AGPAT3: variants seen among roughly 807,000 people sequenced by gnomAD.
AGPAT3 encodes the protein 1-acylglycerol-3-phosphate O-acyltransferase 3, also known as 1-acyl-sn-glycerol-3-phosphate acyltransferase gamma.
AGPAT3 carries 5 observed loss-of-function variants against 47.3 expected under a neutral mutation model. The ratio of observed to expected loss-of-function variants is 0.11; its 90% CI spans 0.06 to 0.22. AGPAT3 has a LOEUF of 0.22. Among genes scored for constraint, AGPAT3 ranks in the 10% least tolerant of loss-of-function variants. The probability of loss-of-function intolerance (pLI) is 1.00; values close to 1 mark genes in which losing one functional copy is unlikely to be tolerated. For synonymous variants in AGPAT3, 212 were observed against 208.3 expected (o/e 1.02, Z -0.15); for missense variants, 315 against 493.0 (o/e 0.64, Z 3.42).
At chr21:43,941,155 G>A (rs2087640509) in intron 2 of AGPAT3, among the ~76,000 whole-genome samples, 2 of 152,316 alleles carry the variant, frequency 1.3e-5, no homozygotes, top group African/African-American at 2.4e-5. Context: ...TTCTAGAGCC[G>A]GAGAACGAGG....
rs773204898 is a variant in AGPAT3 at position 43,967,935 on chromosome 21, C to G, written c.179-11C>G. 1 of 1,612,424 alleles carries G rather than the reference C, an allele frequency of 6.2e-7. No individual in the cohort carries two copies. The highest frequency in any genetic ancestry group is 8.5e-7 in the Non-Finnish European group (1 of 1,178,832). On this transcript the variant is annotated splice_polypyrimidine_tract_variant and intron_variant, in intron 3 of 9. Coordinates refer to ENST00000291572, the MANE Select transcript of AGPAT3 (RefSeq NM_020132.5). The stretch of plus-strand genomic sequence containing the variant: ...GTCCTACCAGTGCCAACGCCCTCCC[C>G]CTGTCCGCAGAACTGGTCATGCTGC...
intron 2 of AGPAT3, among the ~76,000 whole-genome samples, chr21:43,937,881 A>G (rs183317964): frequency 1.7e-3 from 254 of 152,292 alleles, no homozygotes; most frequent in Middle Eastern, 3.4e-3. Flanking sequence ...ATTGCCTTCT[A>G]TACCTCAGGC....
chr21:43,986,847 C>CA lies in AGPAT3; in HGVS notation c.*4455_*4456insA, dbSNP rs1162055137. On this transcript the variant is annotated 3_prime_UTR_variant, in exon 10 of 10. Coordinates refer to ENST00000291572, the MANE Select transcript of AGPAT3 (RefSeq NM_020132.5). Reference sequence around the variant, plus strand: ...TTATACGGATGTTTCCTTTTGTACACTTCATTTTTACAAGTTTTGCTACTC... The same window carrying CA: ...TTATACGGATGTTTCCTTTTGTACACATTCATTTTTACAAGTTTTGCTACTC... Among the ~76,000 whole-genome samples the CA allele has an allele frequency of 6.6e-6, 1 of 152,202 alleles. No homozygotes were observed. Among genetic ancestry groups the CA allele is most frequent in the African/African-American group, 2.4e-5 (1 of 41,444 alleles).
At position 43,986,174 on chromosome 21, in the gene AGPAT3, G is replaced by A. The variant is rs550379770; in HGVS notation, c.*3782G>A. The A allele has an allele frequency of 1.3e-5, 2 of 152,384 alleles. No homozygotes were observed. The highest frequency in any genetic ancestry group is 4.1e-4 in the South Asian group (2 of 4,832). The allele number at this position is 152,384 out of a possible 1,614,324, so 9.4% of individuals were successfully genotyped here. A position where few individuals can be genotyped will look rare whatever the true frequency, so the allele number is the denominator to read the frequency against. On this transcript the variant is annotated 3_prime_UTR_variant, in exon 10 of 10. Coordinates refer to ENST00000291572, the MANE Select transcript of AGPAT3 (RefSeq NM_020132.5). ...AGATGTCACACTGATCTGCTGGAGTGGGGTGGACACATGAATTCAGTTTTA... is the reference window on the plus strand; with the variant it reads ...AGATGTCACACTGATCTGCTGGAGTAGGGTGGACACATGAATTCAGTTTTA...
chr21:43,877,562 C>T (rs1339463318), intron 1 of AGPAT3, among the ~76,000 whole-genome samples: 2 of 152,172 alleles, frequency 1.3e-5, no homozygotes, highest in Admixed American at 1.3e-4. Context: ...CCTGCCTCAG[C>T]TTCCTGAGTA....
chr21:43,872,658 C>T (rs2085646803), intron 1 of AGPAT3, among the ~76,000 whole-genome samples: 1 of 152,218 alleles, frequency 6.6e-6, no homozygotes, highest in Non-Finnish European at 1.5e-5. Flanking sequence ...GGTGAAGACT[C>T]TGTTTCTTCC....
chr21:43,895,969 T>C (rs1046319602), intron 1 of AGPAT3, among the ~76,000 whole-genome samples: 2 of 152,256 alleles, frequency 1.3e-5, no homozygotes, highest in African/African-American at 4.8e-5. Flanking sequence ...GGTTTCACCA[T>C]ATTGGCCAGG....
intron 2 of AGPAT3, among the ~76,000 whole-genome samples, chr21:43,906,883 G>A (rs1028121402): frequency 4.6e-5 from 7 of 152,228 alleles, no homozygotes; most frequent in Admixed American, 3.9e-4. Context: ...GAAGCGCAGT[G>A]GGTCAGCACA....
chr21:43,890,935 G>T (rs907792269), intron 1 of AGPAT3, among the ~76,000 whole-genome samples: 1 of 151,960 alleles, frequency 6.6e-6, no homozygotes, highest in African/African-American at 2.4e-5. Context: ...ACGGGGTTTT[G>T]CCATGTTGGA....
intron 1 of AGPAT3, among the ~76,000 whole-genome samples, chr21:43,894,654 G>A (rs1403634567): frequency 6.6e-6 from 1 of 152,026 alleles, no homozygotes; most frequent in Non-Finnish European, 1.5e-5. Flanking sequence ...TATAAACACC[G>A]GGTCTTATTT....
chr21:43,868,396 T>G (rs1299009334), intron 1 of AGPAT3, among the ~76,000 whole-genome samples: 1 of 152,138 alleles, frequency 6.6e-6, no homozygotes, highest in Admixed American at 6.5e-5. Flanking sequence ...TAGCGTGCCC[T>G]GTGTCACTTA....
chr21:43,924,097 A>G (rs900761401), intron 2 of AGPAT3, among the ~76,000 whole-genome samples: 2 of 151,978 alleles, frequency 1.3e-5, no homozygotes, highest in African/African-American at 4.8e-5. Context: ...GCTCACTGCA[A>G]GCTCCACCTC....
At chr21:43,949,960 C>T (rs922408015) in intron 2 of AGPAT3, among the ~76,000 whole-genome samples, 12 of 152,152 alleles carry the variant, frequency 7.9e-5, no homozygotes, top group Admixed American at 2.6e-4. Flanking sequence ...TCCTACTTGC[C>T]GTAGAGGACA....
At chr21:43,887,833 T>C (rs1170269655) in intron 1 of AGPAT3, among the ~76,000 whole-genome samples, 1 of 152,170 alleles carries the variant, frequency 6.6e-6, no homozygotes, top group Admixed American at 6.5e-5. Context: ...TTTGTATTTT[T>C]AGTAGAGACT....
intron 1 of AGPAT3, among the ~76,000 whole-genome samples, chr21:43,892,868 T>C (rs1172481606): frequency 6.6e-6 from 1 of 152,144 alleles, no homozygotes; most frequent in Non-Finnish European, 1.5e-5. Context: ...GGTGAGTGTA[T>C]TCCTTGAGTT....
intron 1 of AGPAT3, among the ~76,000 whole-genome samples, chr21:43,882,347 TCAG>T (rs2085872267): frequency 6.6e-6 from 1 of 152,270 alleles, no homozygotes; most frequent in South Asian, 2.1e-4. Flanking sequence ...ACTCAGGATT[TCAG>T]ATTGACACGT....
intron 5 of AGPAT3, among the ~76,000 whole-genome samples, chr21:43,969,618 C>T (rs2089308587): frequency 6.6e-6 from 1 of 152,242 alleles, no homozygotes; most frequent in Non-Finnish European, 1.5e-5. Context: ...TCTTCCTGGT[C>T]TGTCTTGGAA....
chr21:43,943,848 G>T (rs1405345341), intron 2 of AGPAT3, among the ~76,000 whole-genome samples: 2 of 152,344 alleles, frequency 1.3e-5, no homozygotes, highest in East Asian at 1.9e-4. Flanking sequence ...AGAAGCCTGC[G>T]CTGTGTTTAA....
intron 2 of AGPAT3, among the ~76,000 whole-genome samples, chr21:43,906,436 GAAA>G (rs2086496791): frequency 6.6e-6 from 1 of 152,104 alleles, no homozygotes; most frequent in Admixed American, 6.5e-5. Context: ...ATAAACATCT[GAAA>G]AGGCATGCAA....
Sources: allele counts gnomAD v4.1 joint callset (sites outside exome capture counted in the v4.1 genomes callset), GRCh38; gene constraint gnomAD v4.1.1; transcripts MANE v1.5; gene names NCBI Gene and HGNC (gene_info 2026-07-23, HGNC 2026-07-21).